The following PCBP3 variants were observed in gnomAD, a reference collection of about 807,000 sequenced individuals.
PCBP3 encodes poly(rC) binding protein 3.
A neutral mutation model predicts 52.7 loss-of-function variants in PCBP3; 25 were observed. That is an observed-to-expected ratio of 0.47 (90% CI 0.35 to 0.66). The LOEUF is 0.66. Ranked by LOEUF, PCBP3 falls within the 30% of genes least tolerant of loss-of-function variation. The pLI, the probability that PCBP3 is intolerant of heterozygous loss-of-function variation, is 0.01. For missense variants in PCBP3, 391 were observed against 490.3 expected, an observed-to-expected ratio of 0.80 and a Z score of 1.91; for synonymous variants, 162 against 183.0, an observed-to-expected ratio of 0.89 and a Z score of 0.93.
intron 13 of PCBP3, among the ~76,000 whole-genome samples, chr21:45,924,793 G>A (rs2075121753): frequency 1.9e-5 from 1 of 51,420 alleles, no homozygotes; most frequent in East Asian, 3.0e-4. Context: ...AACAGCACAC[G>A]TAAGATCGGG....
Position 45,736,810 on chromosome 21 carries a change from T to G in PCBP3, c.-162+1381T>G, listed in dbSNP as rs1406646653. Among the ~76,000 whole-genome samples the G allele has an allele frequency of 6.6e-6, 1 of 152,176 alleles. No homozygotes were observed. The highest frequency in any genetic ancestry group is 2.4e-5 in the African/African-American group (1 of 41,436). ...GCGCACTGCCAGAATCCTGACATCC[T>G]TGTGGGGGGATCGAAAACATAAATC... On this transcript the variant is annotated intron_variant, in intron 3 of 17. Transcript: ENST00000681687. This position sits in a 1 kb window ranked among gnomAD's most constrained non-coding sequence, Gnocchi z 4.6.
chr21:45,711,143 A>G (rs1391407027), intron 2 of PCBP3, among the ~76,000 whole-genome samples: 1 of 152,200 alleles, frequency 6.6e-6, no homozygotes, highest in Non-Finnish European at 1.5e-5. Context: ...AGAATAATAT[A>G]AGAAACCAAT....
At chr21:45,691,894 C>A (rs935312362) in intron 2 of PCBP3, among the ~76,000 whole-genome samples, 2 of 152,134 alleles carry the variant, frequency 1.3e-5, no homozygotes, top group Non-Finnish European at 2.9e-5. Context: ...GATTATCTGG[C>A]AAGTTCTGGA....
intron 9 of PCBP3, among the ~76,000 whole-genome samples, chr21:45,905,355 G>A (rs763931286): frequency 2.6e-5 from 4 of 152,226 alleles, no homozygotes; most frequent in Non-Finnish European, 5.9e-5. Context: ...TTCCAGCAGA[G>A]CTAAAAGCCC....
At chr21:45,815,258 AGTGG>A (rs2092870216) in intron 4 of PCBP3, among the ~76,000 whole-genome samples, 2 of 65,038 alleles carry the variant, frequency 3.1e-5, no homozygotes, top group Non-Finnish European at 6.1e-5. Flanking sequence ...GTGGTGAGTG[AGTGG>A]TGAGTGAGTG....
intron 2 of PCBP3, among the ~76,000 whole-genome samples, chr21:45,683,973 A>C (rs1168125094): frequency 6.6e-6 from 1 of 150,692 alleles, no homozygotes; most frequent in African/African-American, 2.4e-5. Context: ...ATGGTGGCTC[A>C]TACCTGTAAT....
chr21:45,780,940 G>T (rs532182678), intron 4 of PCBP3, among the ~76,000 whole-genome samples: 1 of 152,302 alleles, frequency 6.6e-6, no homozygotes, highest in Non-Finnish European at 1.5e-5. Context: ...GACTGAGAAG[G>T]TGTCAGTGGG....
intron 5 of PCBP3, among the ~76,000 whole-genome samples, chr21:45,884,225 C>T (rs564206476): frequency 2.0e-5 from 3 of 152,270 alleles, no homozygotes; most frequent in East Asian, 1.9e-4. Flanking sequence ...CGTGAGCCAT[C>T]GCACCCAGCC....
chr21:45,701,698 T>A (rs901282757), intron 2 of PCBP3, among the ~76,000 whole-genome samples: 3 of 152,168 alleles, frequency 2.0e-5, no homozygotes, highest in African/African-American at 7.2e-5. Context: ...TTAGCTGGGA[T>A]TACGGGTGTG....
chr21:45,734,655 C>T (rs564814561), intron 2 of PCBP3, among the ~76,000 whole-genome samples: 1 of 152,308 alleles, frequency 6.6e-6, no homozygotes, highest in Admixed American at 6.5e-5. Flanking sequence ...GCACTCTCCC[C>T]AGGCTGTAGG....
chr21:45,719,939 A>G (rs913257894), intron 2 of PCBP3, among the ~76,000 whole-genome samples: 2 of 152,124 alleles, frequency 1.3e-5, no homozygotes, highest in Admixed American at 1.3e-4. Context: ...CTGAGGGACA[A>G]GTAGAGAAGG....
At chr21:45,726,694 G>A (rs1233450367) in intron 2 of PCBP3, among the ~76,000 whole-genome samples, 3 of 152,186 alleles carry the variant, frequency 2.0e-5, no homozygotes, top group Non-Finnish European at 2.9e-5. Context: ...CTTCCACCAC[G>A]GCATTCAGGA....
intron 5 of PCBP3, among the ~76,000 whole-genome samples, chr21:45,862,896 A>G (rs1603455808): frequency 6.6e-6 from 1 of 152,230 alleles, no homozygotes; most frequent in African/African-American, 2.4e-5. Flanking sequence ...GTAACAGAAC[A>G]GAGGGTGACT....
chr21:45,667,218 G>T (rs1003949286), intron 1 of PCBP3, among the ~76,000 whole-genome samples: 21 of 151,014 alleles, frequency 1.4e-4, no homozygotes, highest in African/African-American at 5.1e-4. Flanking sequence ...ATGTTGCCCA[G>T]GCTGGTCTTG....
At chr21:45,678,026 T>A (rs1277772787) in intron 2 of PCBP3, among the ~76,000 whole-genome samples, 2 of 152,182 alleles carry the variant, frequency 1.3e-5, no homozygotes, top group African/African-American at 4.8e-5. Flanking sequence ...TAATTTTGAC[T>A]TTCAAGTGTT....
chr21:45,934,990 C>T (rs1654178450), intron 15 of PCBP3, among the ~76,000 whole-genome samples: 1 of 152,170 alleles, frequency 6.6e-6, no homozygotes, highest in East Asian at 1.9e-4. Flanking sequence ...AGTGAAGTCA[C>T]GCTGTGCACA....
chr21:45,684,492 A>G (rs1246677998), intron 2 of PCBP3, among the ~76,000 whole-genome samples: 2 of 152,168 alleles, frequency 1.3e-5, no homozygotes, highest in African/African-American at 2.4e-5. Context: ...TCATGGGGGA[A>G]GATCCCTCAT....
chr21:45,801,183 C>T lies in PCBP3; in HGVS notation c.-126+45731C>T, dbSNP rs538150019. ...GTCCTGTGGGAGAAGGTCACATCCA[C>T]TTCCCTGTGTGGATGGGGGTGTCAT... On this transcript the variant is annotated intron_variant, in intron 4 of 17. Transcript: ENST00000681687. Among the ~76,000 whole-genome samples, 7 of 152,386 alleles carry T rather than the reference C, an allele frequency of 4.6e-5. No individual in the cohort carries two copies. The East Asian group carries it at 1.2e-3, about 25-fold the overall frequency.
chr21:45,733,940 A>G (rs1460087231), intron 2 of PCBP3, among the ~76,000 whole-genome samples: 1 of 152,150 alleles, frequency 6.6e-6, no homozygotes, highest in Non-Finnish European at 1.5e-5. Flanking sequence ...TATCTTACTG[A>G]TCAACCAATC....
Sources: gnomAD v4.1 joint callset for allele counts (sites outside exome capture counted in the v4.1 genomes callset) on GRCh38, gnomAD v4.1.1 for gene constraint, Gnocchi (gnomAD v3.1) non-coding constraint, MANE v1.5 for transcripts, NCBI Gene and HGNC (gene_info 2026-07-23, HGNC 2026-07-21) for gene names.